Variants in ANO4 observed in about 807,000 individuals in gnomAD.
ANO4 encodes the protein anoctamin-4.
A neutral mutation model predicts 141.9 loss-of-function variants in ANO4; 69 were observed. The ratio of observed to expected loss-of-function variants is 0.49; its 90% CI spans 0.40 to 0.59. ANO4 has a LOEUF of 0.59. Among genes scored for constraint, ANO4 ranks in the 20% least tolerant of loss-of-function variants. The pLI is 0.00. For synonymous variants in ANO4, 350 were observed against 394.3 expected (o/e 0.89, Z 1.33); for missense variants, 894 against 1,162.2 (o/e 0.77, Z 3.36).
At chr12:101,104,386 T>C (rs1046236041) in intron 22 of ANO4, among the ~76,000 whole-genome samples, 1 of 151,480 alleles carries the variant, frequency 6.6e-6, no homozygotes, top group Non-Finnish European at 1.5e-5. Context: ...TTTGGCTGTA[T>C]CCCACAAGTT....
At chr12:101,103,183 T>TATATA (rs1197565753) in intron 22 of ANO4, among the ~76,000 whole-genome samples, 512 of 18,524 alleles carry the variant, frequency 0.028, 100 homozygotes, top group Non-Finnish European at 0.035. Context: ...TTTAGTCATT[T>TATATA]TATATATATA....
At chr12:100,956,256 T>G (rs1566054607) in intron 5 of ANO4, among the ~76,000 whole-genome samples, 1 of 152,244 alleles carries the variant, frequency 6.6e-6, no homozygotes, top group African/African-American at 2.4e-5. Context: ...AGCCATTACC[T>G]ACAAACTTAG....
rs541791090 is a variant in ANO4 at position 100,944,749 on chromosome 12, A to G, written c.456+2214A>G. On this transcript the variant is annotated intron_variant, in intron 5 of 27. Coordinates refer to ENST00000392977, the MANE Select transcript of ANO4 (RefSeq NM_001286615.2). Reference sequence around the variant, plus strand: ...AGCTCAGCAAGAAAAGGGCCTTTGCAGGTTCTCTTATAGATAAATTAATTT... The same window carrying G: ...AGCTCAGCAAGAAAAGGGCCTTTGCGGGTTCTCTTATAGATAAATTAATTT... Among the ~76,000 whole-genome samples, 58 of 152,332 alleles carry G rather than the reference A, an allele frequency of 3.8e-4. 2 individuals carry two copies. The South Asian group carries it at 9.5e-3, about 25-fold the overall frequency.
chr12:101,087,368 A>AT (rs1020139167), intron 17 of ANO4, among the ~76,000 whole-genome samples: 4 of 151,662 alleles, frequency 2.6e-5, no homozygotes, highest in African/African-American at 9.7e-5. Flanking sequence ...AAAAAAAAAA[A>AT]TTAATTAGCT....
Position 101,110,409 on chromosome 12 carries a change from C to T in ANO4, c.2155C>T (p.Gln719Ter). 1 of 1,603,210 alleles carries T rather than the reference C, an allele frequency of 6.2e-7. No individual in the cohort carries two copies. The highest frequency in any genetic ancestry group is 8.5e-7 in the Non-Finnish European group (1 of 1,176,288). The change falls in exon 23 of 28, where the codon CAG (glutamine) becomes TAG (stop). Residue 719 changes from glutamine to a stop codon, truncating the protein, a stop_gained. Transcript: ENST00000392977. LOFTEE classifies it high-confidence loss of function. ...LFDEYLEMIL[Q>*]FGFTTIFVAA... ...TTTCCTTTTTTCTTTTCTAGTTCTT[C>T]AGTTTGGATTCACAACTATCTTTGT...
intron 23 of ANO4, 45 bp downstream of exon 23, chr12:101,110,601 T>C: frequency 6.9e-7 from 1 of 1,442,700 alleles, no homozygotes; most frequent in Non-Finnish European, 9.2e-7. Context: ...ATTAAACATC[T>C]GGTGGATAAA....
intron 17 of ANO4, among the ~76,000 whole-genome samples, chr12:101,089,597 T>C (rs2049665313): frequency 6.6e-6 from 1 of 152,226 alleles, no homozygotes; most frequent in South Asian, 2.1e-4. Flanking sequence ...AATGAATTAA[T>C]GCCTACTATA....
At chr12:101,016,257 G>A (rs920010766) in intron 8 of ANO4, among the ~76,000 whole-genome samples, 38 of 152,102 alleles carry the variant, frequency 2.5e-4, no homozygotes, top group Admixed American at 6.6e-4. Context: ...CTCCTGGTGA[G>A]GACTTAGGAA....
intron 3 of ANO4, among the ~76,000 whole-genome samples, chr12:100,747,050 C>T (rs777122148): frequency 2.0e-5 from 3 of 152,212 alleles, no homozygotes; most frequent in Non-Finnish European, 2.9e-5. Context: ...TTAGCAGCAT[C>T]CCTGGCCTGC....
At chr12:100,924,618 A>G (rs775781286) in intron 3 of ANO4, among the ~76,000 whole-genome samples, 5 of 152,178 alleles carry the variant, frequency 3.3e-5, no homozygotes, top group Non-Finnish European at 7.4e-5. Flanking sequence ...AATTTCCACA[A>G]GAGAATAAAA....
At chr12:100,976,313 A>G (rs2044190660) in intron 7 of ANO4, among the ~76,000 whole-genome samples, 1 of 152,228 alleles carries the variant, frequency 6.6e-6, no homozygotes, top group South Asian at 2.1e-4. Flanking sequence ...ATGCATGTTT[A>G]CTCAGTGAAG....
intron 1 of ANO4, among the ~76,000 whole-genome samples, chr12:100,884,879 G>C (rs548492386): frequency 2.6e-5 from 4 of 152,310 alleles, no homozygotes; most frequent in African/African-American, 9.6e-5. Flanking sequence ...ATTTGTAGTA[G>C]AGGTGGGGTT....
chr12:100,800,465 T>A (rs2034612375), intron 1 of ANO4, among the ~76,000 whole-genome samples: 1 of 152,266 alleles, frequency 6.6e-6, no homozygotes, highest in Non-Finnish European at 1.5e-5. Context: ...ATAGTTTGCT[T>A]GGGCAGATTT....
chr12:101,082,484 C>T (rs1238585537), intron 15 of ANO4, among the ~76,000 whole-genome samples: 1 of 152,222 alleles, frequency 6.6e-6, no homozygotes, highest in African/African-American at 2.4e-5. Flanking sequence ...CTCTTGATGA[C>T]ACTTATGGCC....
At chr12:100,888,544 A>G in intron 1 of ANO4, among the ~76,000 whole-genome samples, 1 of 152,262 alleles carries the variant, frequency 6.6e-6, no homozygotes, top group East Asian at 1.9e-4. Context: ...GTATTCACAC[A>G]GGAAGGGAGC....
chr12:101,126,190 G>A (rs1358878510), intron 26 of ANO4, among the ~76,000 whole-genome samples: 1 of 152,090 alleles, frequency 6.6e-6, no homozygotes, highest in African/African-American at 2.4e-5. Context: ...AGAATACTTA[G>A]CAGTATCATT....
intron 14 of ANO4, among the ~76,000 whole-genome samples, chr12:101,053,207 G>T (rs772559770): frequency 2.0e-5 from 3 of 152,294 alleles, no homozygotes; most frequent in East Asian, 3.9e-4. Context: ...AAGCAGAAAA[G>T]GTTCACCCAA....
intron 1 of ANO4, among the ~76,000 whole-genome samples, chr12:100,868,688 T>C (rs1258328313): frequency 6.6e-6 from 1 of 152,074 alleles, no homozygotes; most frequent in Non-Finnish European, 1.5e-5. Flanking sequence ...AGAATACTCC[T>C]CCTCCCCCTT....
intron 3 of ANO4, among the ~76,000 whole-genome samples, chr12:100,759,931 T>C (rs2032782543): frequency 6.6e-6 from 1 of 152,166 alleles, no homozygotes; most frequent in African/African-American, 2.4e-5. Context: ...TTTTATGAAA[T>C]ATTTCAGACA....
Sources: allele counts gnomAD v4.1 joint callset (sites outside exome capture counted in the v4.1 genomes callset), GRCh38; gene constraint gnomAD v4.1.1; transcripts MANE v1.5; gene names NCBI Gene and HGNC (gene_info 2026-07-23, HGNC 2026-07-21).